The following RABEP1 variants were observed in gnomAD, a reference collection of about 807,000 sequenced individuals.
The protein encoded by RABEP1 is rabaptin, RAB GTPase binding effector protein 1.
In RABEP1, 51 loss-of-function variants were observed where a neutral mutation model predicts 123.4. The ratio of observed to expected loss-of-function variants is 0.41; its 90% CI spans 0.33 to 0.52. The LOEUF (loss-of-function observed/expected upper bound fraction) is 0.52. Ranked by LOEUF, RABEP1 falls within the 20% of genes least tolerant of loss-of-function variation. The pLI, the probability that RABEP1 is intolerant of heterozygous loss-of-function variation, is 0.16. For synonymous variants in RABEP1, 347 were observed against 355.2 expected (o/e 0.98, Z 0.26); for missense variants, 888 against 996.3 (o/e 0.89, Z 1.46).
Position 5,299,719 on chromosome 17 carries a change from C to CTTTTTTTTTTTTTTTTTTTTTTT in RABEP1, c.35-8970_35-8969insTTTTTTTTTTTTTTTTTTTTTTT, listed in dbSNP as rs146585957. On this transcript the variant is annotated intron_variant, in intron 1 of 17. Transcript: ENST00000537505. ...TCATTTCTTTTTCTTTTTTTCTTTT[C>CTTTTTTTTTTTTTTTTTTTTTTT]TTTTTCTTTTTCTTTTTTTTTTTTT... is the stretch of plus-strand genomic sequence containing the variant. Among the ~76,000 whole-genome samples, 33 of 98,828 alleles carry CTTTTTTTTTTTTTTTTTTTTTTT rather than the reference C, an allele frequency of 3.3e-4. 5 individuals are homozygous for CTTTTTTTTTTTTTTTTTTTTTTT. Among genetic ancestry groups the CTTTTTTTTTTTTTTTTTTTTTTT allele is most frequent in the Non-Finnish European group, 4.4e-4 (23 of 52,602 alleles). The allele number at this position is 98,828 out of a possible 152,430, so 64.8% of individuals were successfully genotyped here. A position where few individuals can be genotyped will look rare whatever the true frequency, so the allele number is the denominator to read the frequency against.
rs1473833422 is a variant in RABEP1, at chr17:5,282,322, C to G, written c.-165C>G. Reference sequence around the variant, plus strand: ...GGCGGAGGTCGGCGGTCGGGTCCGTCTCTGCCCGCGGCTGTGGCGGCGCCG... The same window carrying G: ...GGCGGAGGTCGGCGGTCGGGTCCGTGTCTGCCCGCGGCTGTGGCGGCGCCG... On this transcript the variant is annotated 5_prime_UTR_variant, in exon 1 of 18. Coordinates refer to ENST00000537505, the MANE Select transcript of RABEP1 (RefSeq NM_004703.6). The G allele has an allele frequency of 2.1e-6, 1 of 473,870 alleles. No individual in the cohort carries two copies. Among genetic ancestry groups the G allele is most frequent in the Non-Finnish European group, 3.4e-6 (1 of 291,816 alleles). 29.4% of individuals were successfully genotyped at this position (473,870 alleles called of 1,614,324 possible).
chr17:5,331,404 C>T (rs2144597603), intron 2 of RABEP1, among the ~76,000 whole-genome samples: 1 of 152,278 alleles, frequency 6.6e-6, no homozygotes, highest in African/African-American at 2.4e-5. Flanking sequence ...TTTGGCCAAA[C>T]ATATGTTCTG....
At chr17:5,289,348 C>G (rs1240105354) in intron 1 of RABEP1, among the ~76,000 whole-genome samples, 1 of 150,642 alleles carries the variant, frequency 6.6e-6, no homozygotes, top group Non-Finnish European at 1.5e-5. Flanking sequence ...TTTGGTCTCA[C>G]AGTTTGTCAT....
intron 1 of RABEP1, among the ~76,000 whole-genome samples, chr17:5,304,191 G>A (rs1275116705): frequency 6.6e-6 from 1 of 151,988 alleles, no homozygotes; most frequent in African/African-American, 2.4e-5. Flanking sequence ...TTTATTTATT[G>A]TATTCTTTTT....
intron 6 of RABEP1, 73 bp downstream of exon 6, chr17:5,346,998 T>C (rs1908118780): frequency 3.3e-6 from 4 of 1,204,576 alleles, no homozygotes; most frequent in Non-Finnish European, 4.4e-6. Context: ...CTAATAACAG[T>C]GACAAATCTT....
intron 12 of RABEP1, among the ~76,000 whole-genome samples, chr17:5,368,888 CA>C (rs1351930110): frequency 6.6e-6 from 1 of 152,030 alleles, no homozygotes; most frequent in Non-Finnish European, 1.5e-5. Context: ...GCGGGTGGAT[CA>C]CGAGGTCAGG....
chr17:5,374,819 T>C (rs897029145), intron 13 of RABEP1, among the ~76,000 whole-genome samples: 1 of 152,054 alleles, frequency 6.6e-6, no homozygotes, highest in African/African-American at 2.4e-5. Context: ...TTTAAAATAT[T>C]TTTTAGTAGA....
chr17:5,342,952 A>G (rs567037190), intron 5 of RABEP1, among the ~76,000 whole-genome samples: 1 of 152,360 alleles, frequency 6.6e-6, no homozygotes, highest in Admixed American at 6.5e-5. Context: ...TGGGTGAAGA[A>G]TGGATTGTTA....
intron 5 of RABEP1, among the ~76,000 whole-genome samples, chr17:5,345,151 G>A (rs1907967002): frequency 6.6e-6 from 1 of 152,094 alleles, no homozygotes; most frequent in African/African-American, 2.4e-5. Flanking sequence ...AGAGAAATTG[G>A]TTGCATTCAC....
rs1464855669 is a variant in RABEP1, at chr17:5,282,338, G to A, written c.-149G>A. On this transcript the variant is annotated 5_prime_UTR_variant, in exon 1 of 18. Coordinates refer to ENST00000537505, the MANE Select transcript of RABEP1 (RefSeq NM_004703.6). ...CGGGTCCGTCTCTGCCCGCGGCTGT[G>A]GCGGCGCCGGCGGATCCAGCCTTAG... The A allele has an allele frequency of 1.8e-6, 1 of 550,074 alleles. No homozygotes were observed. Among genetic ancestry groups the A allele is most frequent in the Non-Finnish European group, 2.8e-6 (1 of 360,104 alleles). 34.1% of individuals were successfully genotyped at this position (550,074 alleles called of 1,614,324 possible). A position where few individuals can be genotyped will look rare whatever the true frequency, so the allele number is the denominator to read the frequency against.
chr17:5,293,629 A>G (rs1305688147), intron 1 of RABEP1, among the ~76,000 whole-genome samples: 1 of 150,738 alleles, frequency 6.6e-6, no homozygotes, highest in Non-Finnish European at 1.5e-5. Flanking sequence ...CTGGTCTCAA[A>G]CTCCTGGGCT....
At chr17:5,312,242 C>T (rs934347395) in intron 2 of RABEP1, among the ~76,000 whole-genome samples, 2 of 152,172 alleles carry the variant, frequency 1.3e-5, no homozygotes, top group African/African-American at 2.4e-5. Flanking sequence ...CTCTGCCCCA[C>T]GGTTCAAGTG....
chr17:5,289,395 C>T (rs1284197375), intron 1 of RABEP1, among the ~76,000 whole-genome samples: 5 of 144,420 alleles, frequency 3.5e-5, no homozygotes, highest in Non-Finnish European at 7.6e-5. Flanking sequence ...ATGCAGAAAG[C>T]TTTAATTTTT....
intron 1 of RABEP1, among the ~76,000 whole-genome samples, chr17:5,296,559 C>G (rs1436523428): frequency 6.6e-6 from 1 of 152,062 alleles, no homozygotes; most frequent in African/African-American, 2.4e-5. Flanking sequence ...CCGTGCCCAG[C>G]CTGGTTTTGG....
chr17:5,310,967 G>A (rs1311415947), intron 2 of RABEP1, among the ~76,000 whole-genome samples: 1 of 151,724 alleles, frequency 6.6e-6, no homozygotes, highest in Non-Finnish European at 1.5e-5. Flanking sequence ...GTGCCACCAC[G>A]CCCTGCTAAT....
Position 5,282,508 on chromosome 17 carries a change from TC to T in RABEP1, c.25del (p.Gln9SerfsTer10). 1.6e-6 allele frequency: 2 copies of T among 1,257,470 alleles called. No individual in the cohort carries two copies. The highest frequency in any genetic ancestry group is 2.0e-6 in the Non-Finnish European group (2 of 1,000,312). The allele number at this position is 1,257,470 out of a possible 1,614,324, so 77.9% of individuals were successfully genotyped here. A position where few individuals can be genotyped will look rare whatever the true frequency, so the allele number is the denominator to read the frequency against. ...GGTCATGGCGCAGCCGGGCCCGGCT[TC>T]CCAGCCTGACGGTGAGGCGCCCACC... MAQPGPASQPDVSLQQRV... is the reference protein window; with the variant it reads MAQPGPAXQPDVSLQQRV... On this transcript the variant is annotated frameshift_variant, in exon 1 of 18. Transcript: ENST00000537505. LOFTEE classifies it high-confidence loss of function.
In RABEP1 at chr17:5,381,401, C is replaced by T; in HGVS notation, c.2383C>T (p.Gln795Ter). 1 of 1,612,384 alleles carries T rather than the reference C, an allele frequency of 6.2e-7. No homozygotes were observed. Among genetic ancestry groups the T allele is most frequent in the Non-Finnish European group, 8.5e-7 (1 of 1,179,436 alleles). Residue 795 changes from glutamine to a stop codon, truncating the protein, a stop_gained, in exon 17 of 18, where the codon CAA (glutamine) becomes TAA (stop). Transcript: ENST00000537505. LOFTEE classifies it high-confidence loss of function. ...TTGTATTTTTTAGGCTACCGTTGAACAACTAATGTTTGAAGAGAAGAATAA... is the reference window on the plus strand; with the variant it reads ...TTGTATTTTTTAGGCTACCGTTGAATAACTAATGTTTGAAGAGAAGAATAA... ...KETAAKATVE[Q>*]LMFEEKNKAQ...
At chr17:5,379,496 G>A (rs1430258076) in intron 15 of RABEP1, among the ~76,000 whole-genome samples, 1 of 152,040 alleles carries the variant, frequency 6.6e-6, no homozygotes, top group Non-Finnish European at 1.5e-5. Context: ...TCCTCCCTCT[G>A]TTGCCACAGT....
Position 5,338,089 on chromosome 17 carries a change from A to C in RABEP1, c.599A>C (p.Asp200Ala). ...PMEKEIAALKDKLTEAEDKIK... is the reference protein window; with the variant it reads ...PMEKEIAALKAKLTEAEDKIK... ...GAAAAGGAAATTGCAGCTTTGAAGGATAAACTGACAGAGGCTGAAGACAAA... is the reference window on the plus strand; with the variant it reads ...GAAAAGGAAATTGCAGCTTTGAAGGCTAAACTGACAGAGGCTGAAGACAAA... Residue 200 changes from aspartate to alanine, a missense_variant, in exon 5 of 18, where the codon GAT (aspartate) becomes GCT (alanine). Transcript: ENST00000537505. The C allele has an allele frequency of 1.2e-6, 2 of 1,613,590 alleles. No individual in the cohort carries two copies. The highest frequency in any genetic ancestry group is 1.7e-6 in the Non-Finnish European group (2 of 1,179,548).
Sources: gnomAD v4.1 joint callset for allele counts (sites outside exome capture counted in the v4.1 genomes callset) on GRCh38, gnomAD v4.1.1 for gene constraint, MANE v1.5 for transcripts, NCBI Gene and HGNC (gene_info 2026-07-23, HGNC 2026-07-21) for gene names.